The following FER variants were observed in gnomAD, a reference collection of about 807,000 sequenced individuals.
FER encodes FER tyrosine kinase.
A neutral mutation model predicts 111.0 loss-of-function variants in FER; 63 were observed. That is an observed-to-expected ratio of 0.57 (90% confidence interval 0.46 to 0.70). FER has a LOEUF of 0.70. Among genes scored for constraint, FER ranks in the 30% least tolerant of loss-of-function variants. FER has a pLI of 0.00. For synonymous variants in FER, 327 were observed against 313.9 expected (o/e 1.04, Z -0.44); for missense variants, 914 against 954.0 (o/e 0.96, Z 0.55).
intron 2 of FER, among the ~76,000 whole-genome samples, chr5:108,771,284 G>A (rs1180946881): frequency 2.0e-5 from 3 of 152,112 alleles, no homozygotes; most frequent in African/African-American, 7.2e-5. Flanking sequence ...TGTGTGTGCT[G>A]TCTATAAAAG....
At chr5:108,916,894 G>T (rs762738622) in intron 10 of FER, among the ~76,000 whole-genome samples, 1 of 152,006 alleles carries the variant, frequency 6.6e-6, no homozygotes, top group African/African-American at 2.4e-5. Flanking sequence ...TATTATATTT[G>T]ATCATGTTTT....
chr5:108,759,005 G>GA (rs1751423968), intron 1 of FER, among the ~76,000 whole-genome samples: 1 of 152,126 alleles, frequency 6.6e-6, no homozygotes, highest in Admixed American at 6.6e-5. Context: ...ACAACTAAGA[G>GA]ATTTGTTTAA....
At chr5:109,150,015 C>CA (rs1754650320) in intron 17 of FER, among the ~76,000 whole-genome samples, 1 of 152,100 alleles carries the variant, frequency 6.6e-6, no homozygotes, top group Non-Finnish European at 1.5e-5. Context: ...CTAGGTTGCG[C>CA]ACTCCTTACG....
intron 16 of FER, among the ~76,000 whole-genome samples, chr5:109,094,546 A>G (rs1022839766): frequency 2.0e-5 from 3 of 152,166 alleles, no homozygotes; most frequent in Non-Finnish European, 2.9e-5. Context: ...TGTACCTTAG[A>G]ACAGTGGTTG....
At chr5:109,096,117 G>C (rs78158867) in intron 16 of FER, among the ~76,000 whole-genome samples, 1 of 151,762 alleles carries the variant, frequency 6.6e-6, no homozygotes, top group Non-Finnish European at 1.5e-5. Context: ...TAGTGTGATC[G>C]GTTCCTCTGA....
intron 13 of FER, among the ~76,000 whole-genome samples, chr5:108,980,543 C>T (rs1284390180): frequency 6.6e-6 from 1 of 152,092 alleles, no homozygotes. Flanking sequence ...TGCCATTTCA[C>T]CTGATGTATA....
intron 17 of FER, among the ~76,000 whole-genome samples, chr5:109,177,809 C>T (rs759417684): frequency 1.3e-5 from 2 of 152,232 alleles, no homozygotes; most frequent in Admixed American, 1.3e-4. Flanking sequence ...TTATATCCCT[C>T]TGCATGTGGT....
At chr5:108,888,054 C>T (rs1747441693) in intron 9 of FER, among the ~76,000 whole-genome samples, 1 of 151,862 alleles carries the variant, frequency 6.6e-6, no homozygotes, top group Admixed American at 6.6e-5. Flanking sequence ...GATTTAGCCT[C>T]ACTGCCTTTC....
intron 13 of FER, among the ~76,000 whole-genome samples, chr5:109,015,548 C>T (rs1263753376): frequency 6.6e-6 from 1 of 151,564 alleles, no homozygotes; most frequent in Non-Finnish European, 1.5e-5. Context: ...CAAAGAGCTT[C>T]TATCTGCCAG....
At chr5:109,145,749 T>C (rs1561952670) in intron 17 of FER, among the ~76,000 whole-genome samples, 2 of 152,106 alleles carry the variant, frequency 1.3e-5, no homozygotes, top group Non-Finnish European at 2.9e-5. Flanking sequence ...TGTATGCATA[T>C]AGAATGTTAT....
At chr5:108,993,477 G>A (rs534797393) in intron 13 of FER, among the ~76,000 whole-genome samples, 1 of 152,172 alleles carries the variant, frequency 6.6e-6, no homozygotes, top group Admixed American at 6.5e-5. Context: ...GCAGTGAGCC[G>A]AGATGGCAGC....
intron 1 of FER, chr5:108,748,559 C>G (rs1750038972): frequency 6.6e-6 from 1 of 152,394 alleles, no homozygotes; most frequent in Non-Finnish European, 1.5e-5. Flanking sequence ...CCCAGGACAC[C>G]CGCTAGGGAG....
chr5:108,838,753 G>A (rs1273807202), intron 5 of FER, among the ~76,000 whole-genome samples: 2 of 152,068 alleles, frequency 1.3e-5, no homozygotes, highest in African/African-American at 2.4e-5. Flanking sequence ...AAAATTAAAT[G>A]CACCTTAAAA....
chr5:109,075,461 G>A (rs1372313871), intron 16 of FER, among the ~76,000 whole-genome samples: 5 of 137,242 alleles, frequency 3.6e-5, no homozygotes, highest in Admixed American at 7.9e-5. Context: ...GCAGAGTCTC[G>A]CTCTGTCACC....
intron 3 of FER, chr5:108,820,365 G>A (rs897916828): frequency 1.0e-6 from 1 of 985,230 alleles, no homozygotes. Context: ...AACTGCTGAG[G>A]TTAGGCGATT....
intron 13 of FER, among the ~76,000 whole-genome samples, chr5:109,017,949 T>TGTTATATCAAAAGATACA (rs1767404672): frequency 6.6e-6 from 1 of 151,906 alleles, no homozygotes; most frequent in Non-Finnish European, 1.5e-5. Context: ...TAACAAACCC[T>TGTTATATCAAAAGATACA]TTGTTTTCAT....
chr5:109,103,891 G>C (rs1428183314), intron 17 of FER, among the ~76,000 whole-genome samples: 1 of 152,096 alleles, frequency 6.6e-6, no homozygotes, highest in Non-Finnish European at 1.5e-5. Flanking sequence ...TGCCAAATTT[G>C]TTTTTATTCA....
At chr5:108,882,156 C>T (rs1409731328) in intron 8 of FER, among the ~76,000 whole-genome samples, 4 of 151,728 alleles carry the variant, frequency 2.6e-5, no homozygotes, top group Non-Finnish European at 4.4e-5. Context: ...GCATATTGTA[C>T]AAGTGTTTTG....
chr5:108,846,438 G>T (rs959271673), intron 5 of FER, among the ~76,000 whole-genome samples: 1 of 151,822 alleles, frequency 6.6e-6, no homozygotes, highest in Non-Finnish European at 1.5e-5. Context: ...GAAAAAAAAA[G>T]AAAAATGAGG....
Sources: allele counts gnomAD v4.1 joint callset (sites outside exome capture counted in the v4.1 genomes callset), GRCh38; gene constraint gnomAD v4.1.1; transcripts MANE v1.5; gene names NCBI Gene and HGNC (gene_info 2026-07-23, HGNC 2026-07-21).